NCAM1: variants seen among roughly 807,000 people sequenced by gnomAD.
NCAM1 encodes the protein antigen recognized by monoclonal antibody 5.1H11.
Under a neutral mutation model 109.8 loss-of-function variants are expected in NCAM1, and 14 were observed. The observed-to-expected ratio is 0.13, with a 90% CI of 0.08 to 0.20. NCAM1 has a LOEUF of 0.20. Among genes scored for constraint, NCAM1 ranks in the 10% least tolerant of loss-of-function variants. The pLI, the probability that NCAM1 is intolerant of heterozygous loss-of-function variation, is 1.00. For missense variants in NCAM1, 774 were observed against 1,109.9 expected, an observed-to-expected ratio of 0.70 and a Z score of 4.30; for synonymous variants, 418 against 442.9, an observed-to-expected ratio of 0.94 and a Z score of 0.70.
chr11:113,228,953 A>T (rs1211130297), intron 9 of NCAM1, among the ~76,000 whole-genome samples: 1 of 152,184 alleles, frequency 6.6e-6, no homozygotes, highest in Non-Finnish European at 1.5e-5. Context: ...TAAAGACTTA[A>T]ATGTTAGACC....
intron 1 of NCAM1, among the ~76,000 whole-genome samples, chr11:113,183,347 C>T (rs1013106642): frequency 2.6e-5 from 4 of 152,182 alleles, no homozygotes; most frequent in Non-Finnish European, 5.9e-5. Context: ...GTCTGTCCCG[C>T]TCCTCCAGAT....
At chr11:113,133,788 G>A (rs543184719) in intron 1 of NCAM1, 2 of 152,290 alleles carry the variant, frequency 1.3e-5, no homozygotes, top group African/African-American at 4.8e-5. Context: ...ATAAAAAGGT[G>A]AGAGGGATGT....
At chr11:113,224,495 C>G (rs1385246896) in intron 9 of NCAM1, among the ~76,000 whole-genome samples, 1 of 152,258 alleles carries the variant, frequency 6.6e-6, no homozygotes, top group Non-Finnish European at 1.5e-5. Context: ...CTTGTAGACT[C>G]CACCTCTGGC....
intron 3 of NCAM1, among the ~76,000 whole-genome samples, chr11:113,205,034 G>T (rs185209966): frequency 6.6e-6 from 1 of 152,144 alleles, no homozygotes; most frequent in African/African-American, 2.4e-5. Flanking sequence ...TTGATTGCAC[G>T]GTATTTATTG....
chr11:113,230,938 C>A (rs762638145), intron 9 of NCAM1, among the ~76,000 whole-genome samples: 2 of 152,176 alleles, frequency 1.3e-5, no homozygotes, highest in Non-Finnish European at 2.9e-5. Flanking sequence ...AAGCCCATTG[C>A]TGTATCAAGG....
At chr11:113,162,244 G>T (rs1440989664) in intron 1 of NCAM1, among the ~76,000 whole-genome samples, 1 of 152,092 alleles carries the variant, frequency 6.6e-6, no homozygotes, top group Non-Finnish European at 1.5e-5. Context: ...ATCAAAACAT[G>T]ATATTATAGC....
intron 7 of NCAM1, among the ~76,000 whole-genome samples, chr11:113,211,157 C>T (rs145088140): frequency 2.6e-5 from 4 of 152,340 alleles, no homozygotes; most frequent in African/African-American, 9.6e-5. Context: ...CTGATTAGGG[C>T]TCCTTCTCCT....
chr11:113,019,770 T>C (rs1469655807), intron 1 of NCAM1, among the ~76,000 whole-genome samples: 3 of 152,214 alleles, frequency 2.0e-5, no homozygotes, highest in Non-Finnish European at 2.9e-5. Flanking sequence ...ATGTCCAATA[T>C]AGAACTCATT....
Position 113,277,334 on chromosome 11 carries a change from G to A in NCAM1, c.*1947G>A, listed in dbSNP as rs1291788411. ...TGTCATTTGCTCAATGTGGGGTTAT[G>A]TTGCATTTTCTCAGCTCCTGGGGAT... On this transcript the variant is annotated 3_prime_UTR_variant, in exon 20 of 20. Coordinates refer to ENST00000316851, the MANE Select transcript of NCAM1 (RefSeq NM_181351.5). 1.0e-5 allele frequency: 4 copies of A among 399,050 alleles called. No individual in the cohort carries two copies. Among genetic ancestry groups the A allele is most frequent in the African/African-American group, 8.2e-5 (4 of 48,638 alleles). The allele number at this position is 399,050 out of a possible 1,614,324, so 24.7% of individuals were successfully genotyped here.
At chr11:113,066,048 G>C (rs782326986) in intron 1 of NCAM1, among the ~76,000 whole-genome samples, 19 of 152,286 alleles carry the variant, frequency 1.2e-4, no homozygotes, top group Middle Eastern at 3.4e-3. Flanking sequence ...CACTGGCTTG[G>C]TTCTTGCCCA....
chr11:113,235,683 G>T (rs115257141), intron 14 of NCAM1, among the ~76,000 whole-genome samples: 5 of 152,216 alleles, frequency 3.3e-5, no homozygotes, highest in Non-Finnish European at 7.3e-5. Context: ...AGGGGAAGAG[G>T]TAGCCCTGGC....
chr11:112,974,945 A>T (rs1555067420), intron 1 of NCAM1, among the ~76,000 whole-genome samples: 1 of 152,006 alleles, frequency 6.6e-6, no homozygotes, highest in Admixed American at 6.6e-5. Context: ...TCTAATTGCT[A>T]AAGTCCAAAG....
chr11:113,077,944 C>T (rs1250994428), intron 1 of NCAM1, among the ~76,000 whole-genome samples: 1 of 152,138 alleles, frequency 6.6e-6, no homozygotes, highest in Non-Finnish European at 1.5e-5. Context: ...ACCTCAGCCT[C>T]CCAAAGTGCT....
intron 1 of NCAM1, among the ~76,000 whole-genome samples, chr11:113,191,773 GTATATATATA>G (rs10552025): frequency 4.3e-5 from 6 of 139,224 alleles, no homozygotes; most frequent in Admixed American, 4.2e-4. Context: ...GTGTGTGTGT[GTATATATATA>G]TATATATATG....
intron 1 of NCAM1, among the ~76,000 whole-genome samples, chr11:113,064,373 G>A (rs995504555): frequency 8.6e-5 from 13 of 152,002 alleles, no homozygotes; most frequent in African/African-American, 3.1e-4. Flanking sequence ...ACATACTTGG[G>A]GTAAAAGAAT....
At chr11:113,124,511 T>C (rs782027151) in intron 1 of NCAM1, among the ~76,000 whole-genome samples, 2 of 152,230 alleles carry the variant, frequency 1.3e-5, no homozygotes, top group Non-Finnish European at 2.9e-5. Flanking sequence ...TCCCTCTCTG[T>C]ACAGTAGAGT....
intron 1 of NCAM1, among the ~76,000 whole-genome samples, chr11:112,993,269 G>A (rs1396164425): frequency 1.3e-5 from 2 of 152,086 alleles, no homozygotes; most frequent in African/African-American, 4.8e-5. Flanking sequence ...AGGCAAAAAG[G>A]GTACAGGCAT....
intron 1 of NCAM1, among the ~76,000 whole-genome samples, chr11:112,989,495 C>T (rs1951402461): frequency 6.6e-6 from 1 of 152,034 alleles, no homozygotes; most frequent in Admixed American, 6.6e-5. Flanking sequence ...TATTACATTT[C>T]TTATTTTGTT....
At position 113,231,325 on chromosome 11, in the gene NCAM1, T is replaced by C. The variant is rs553533062; in HGVS notation, c.1090-320T>C. On this transcript the variant is annotated intron_variant, in intron 9 of 19. Transcript: ENST00000316851. ...ATATCTGCTGGCCGGAGGCTTTGCT[T>C]CCATTTTAGACATCCCAAACAAAGT... 40 of 1,530,382 alleles carry C rather than the reference T, an allele frequency of 2.6e-5. No individual in the cohort carries two copies. In the East Asian group the frequency reaches 8.6e-4, roughly 33 times the overall value. The allele number at this position is 1,530,382 out of a possible 1,614,324, so 94.8% of individuals were successfully genotyped here.
Sources: gnomAD v4.1 joint callset for allele counts (sites outside exome capture counted in the v4.1 genomes callset) on GRCh38, gnomAD v4.1.1 for gene constraint, MANE v1.5 for transcripts, NCBI Gene and HGNC (gene_info 2026-07-23, HGNC 2026-07-21) for gene names.